Variants in CACNG3 observed in about 807,000 individuals in gnomAD.
CACNG3 encodes the protein voltage-dependent calcium channel gamma-3 subunit.
CACNG3 carries 3 observed loss-of-function variants against 28.5 expected under a neutral mutation model. That is an observed-to-expected ratio of 0.11 (90% CI 0.05 to 0.27). The LOEUF (loss-of-function observed/expected upper bound fraction) is 0.27, where lower values mean the gene tolerates loss of function less well. CACNG3 is among the 10% of genes least tolerant of loss of function. The pLI, the probability that CACNG3 is intolerant of heterozygous loss-of-function variation, is 1.00. For synonymous variants in CACNG3, 174 were observed against 162.2 expected (o/e 1.07, Z -0.55); for missense variants, 236 against 414.4 (o/e 0.57, Z 3.74).
At chr16:24,301,375 C>A (rs1403429470) in intron 1 of CACNG3, among the ~76,000 whole-genome samples, 2 of 152,064 alleles carry the variant, frequency 1.3e-5, no homozygotes, top group African/African-American at 4.8e-5. Context: ...TTCCAGACAA[C>A]TTGGAATCTA....
intron 1 of CACNG3, among the ~76,000 whole-genome samples, chr16:24,294,376 A>G (rs1899003029): frequency 6.6e-6 from 1 of 152,160 alleles, no homozygotes; most frequent in Non-Finnish European, 1.5e-5. Flanking sequence ...GCCGCTGTTC[A>G]TTAATGCTGC....
chr16:24,308,105 C>T (rs1299600155), intron 1 of CACNG3, among the ~76,000 whole-genome samples: 1 of 152,170 alleles, frequency 6.6e-6, no homozygotes, highest in African/African-American at 2.4e-5. Flanking sequence ...CACTTAATTG[C>T]ATCCAAAACT....
intron 1 of CACNG3, among the ~76,000 whole-genome samples, chr16:24,268,428 T>C (rs1029614255): frequency 6.6e-6 from 1 of 152,172 alleles, no homozygotes; most frequent in African/African-American, 2.4e-5. Context: ...GGGTTGGGTC[T>C]CCTCCAACCT....
intron 1 of CACNG3, among the ~76,000 whole-genome samples, chr16:24,339,180 G>A (rs1289000421): frequency 1.3e-5 from 2 of 152,102 alleles, no homozygotes; most frequent in Admixed American, 1.3e-4. Flanking sequence ...TGAATAAAGG[G>A]TAATGGACTG....
At chr16:24,339,362 G>A (rs548373100) in intron 1 of CACNG3, among the ~76,000 whole-genome samples, 4 of 150,798 alleles carry the variant, frequency 2.7e-5, no homozygotes, top group Non-Finnish European at 5.9e-5. Flanking sequence ...TGTTTTCTCA[G>A]CTAATTGCCT....
At chr16:24,329,201 G>T (rs1899601059) in intron 1 of CACNG3, among the ~76,000 whole-genome samples, 1 of 152,184 alleles carries the variant, frequency 6.6e-6, no homozygotes, top group Non-Finnish European at 1.5e-5. Context: ...CAAAACGCCA[G>T]AACTATTCCT....
intron 1 of CACNG3, among the ~76,000 whole-genome samples, chr16:24,343,125 G>C (rs904497503): frequency 6.6e-6 from 1 of 152,108 alleles, no homozygotes; most frequent in African/African-American, 2.4e-5. Flanking sequence ...GGAGGCGGAG[G>C]TTGCAGTGGG....
intron 1 of CACNG3, among the ~76,000 whole-genome samples, chr16:24,301,821 A>G (rs983174320): frequency 1.3e-5 from 2 of 152,200 alleles, no homozygotes; most frequent in Non-Finnish European, 2.9e-5. Flanking sequence ...AAAAGAGTGG[A>G]GACATTAAAG....
chr16:24,335,953 G>T (rs1037881281), intron 1 of CACNG3, among the ~76,000 whole-genome samples: 3 of 151,828 alleles, frequency 2.0e-5, no homozygotes, highest in African/African-American at 7.3e-5. Flanking sequence ...AAATCCGCCT[G>T]CCTCGGCCTC....
In CACNG3 at chr16:24,361,663, A is replaced by G; in HGVS notation, c.748A>G (p.Ile250Val). The change falls in exon 4 of 4, where the codon ATC becomes GTC. Residue 250 changes from isoleucine (I) to valine (V), a missense_variant. Around this residue, in one of 2 missense-constraint regions of CACNG3, gnomAD observed 116 missense variants for 151.0 expected, o/e 0.77. Transcript: ENST00000005284. The surrounding 1 kb of genome is among the most constrained non-coding windows in gnomAD (Gnocchi z 6.8). ...TEPRSRDLSPISKGFHTIPST... is the reference protein window; with the variant it reads ...TEPRSRDLSPVSKGFHTIPST... ...GCCCAGATCCCGAGACCTGTCCCCC[A>G]TCAGCAAAGGCTTCCACACCATCCC... The G allele has an allele frequency of 6.2e-7, 1 of 1,611,810 alleles. No individual in the cohort carries two copies. The highest frequency in any genetic ancestry group is 8.5e-7 in the Non-Finnish European group (1 of 1,179,292).
intron 1 of CACNG3, among the ~76,000 whole-genome samples, chr16:24,272,573 T>C (rs1898704801): frequency 6.6e-6 from 1 of 152,192 alleles, no homozygotes; most frequent in African/African-American, 2.4e-5. Flanking sequence ...TTTTTCAACT[T>C]GCCATTTATT....
intron 1 of CACNG3, among the ~76,000 whole-genome samples, chr16:24,262,613 T>G (rs1411751237): frequency 2.0e-5 from 3 of 152,228 alleles, no homozygotes; most frequent in Non-Finnish European, 4.4e-5. Flanking sequence ...ATCGTGACCT[T>G]GCTCTGGCCC....
Position 24,361,708 on chromosome 16 carries a change from T to A in CACNG3, c.793T>A (p.Phe265Ile). 1.9e-6 allele frequency: 3 copies of A among 1,613,390 alleles called. No homozygotes were observed. In the South Asian group the frequency reaches 3.3e-5, roughly 18 times the overall value. Reference protein sequence around the residue: ...HTIPSTDISMFTLSRDPSKIT... With the variant: ...HTIPSTDISMITLSRDPSKIT... ...CATCCCTTCCACTGACATCTCGATG[T>A]TCACCCTCTCCCGGGACCCCTCAAA... The change falls in exon 4 of 4, where the codon TTC becomes ATC. Residue 265 changes from phenylalanine to isoleucine, a missense_variant. Around this residue, in one of 2 missense-constraint regions of CACNG3, gnomAD observed 116 missense variants for 151.0 expected, o/e 0.77. Coordinates refer to ENST00000005284, the MANE Select transcript of CACNG3 (RefSeq NM_006539.4). This position sits in a 1 kb window ranked among gnomAD's most constrained non-coding sequence, Gnocchi z 6.8.
At chr16:24,323,822 C>T (rs1293375353) in intron 1 of CACNG3, among the ~76,000 whole-genome samples, 1 of 152,186 alleles carries the variant, frequency 6.6e-6, no homozygotes, top group Admixed American at 6.5e-5. Context: ...GGATGGAGGG[C>T]AGTGGAGTGA....
rs543596295 is a variant in CACNG3, at chr16:24,361,168, C to A, written c.437-184C>A. Among the ~76,000 whole-genome samples the A allele has an allele frequency of 1.3e-5, 2 of 152,268 alleles. No individual in the cohort carries two copies. The highest frequency in any genetic ancestry group is 2.4e-5 in the African/African-American group (1 of 41,552). The stretch of plus-strand genomic sequence containing the variant: ...ATACACATTGCCTGGAACTGAGCAG[C>A]AGAATTCTTCATTTCCTAAGTGACA... On this transcript the variant is annotated intron_variant, in intron 3 of 3. Transcript: ENST00000005284. This position sits in a 1 kb window ranked among gnomAD's most constrained non-coding sequence, Gnocchi z 6.8.
intron 1 of CACNG3, among the ~76,000 whole-genome samples, chr16:24,319,133 G>A (rs777858145): frequency 2.6e-5 from 4 of 152,178 alleles, no homozygotes; most frequent in Non-Finnish European, 5.9e-5. Flanking sequence ...AAGAAACCGG[G>A]TTGATTTAAA....
chr16:24,269,640 G>T (rs550242355), intron 1 of CACNG3, among the ~76,000 whole-genome samples: 1 of 151,456 alleles, frequency 6.6e-6, no homozygotes, highest in Admixed American at 6.6e-5. Context: ...CCAGCTACTC[G>T]GGAGGCTGAG....
At chr16:24,350,172 T>G (rs754694569) in intron 2 of CACNG3, among the ~76,000 whole-genome samples, 2 of 152,228 alleles carry the variant, frequency 1.3e-5, no homozygotes, top group Non-Finnish European at 2.9e-5. Flanking sequence ...CAGACACTTA[T>G]AGCCAGAGTT....
chr16:24,282,510 C>G (rs1266360897), intron 1 of CACNG3, among the ~76,000 whole-genome samples: 1 of 151,690 alleles, frequency 6.6e-6, no homozygotes, highest in Non-Finnish European at 1.5e-5. Context: ...CTGTTGACCT[C>G]GTGATCCGCC....
Sources: allele counts gnomAD v4.1 joint callset (sites outside exome capture counted in the v4.1 genomes callset), GRCh38; gene constraint gnomAD v4.1.1; regional missense constraint gnomAD v4.1.1; non-coding constraint Gnocchi (gnomAD v3.1); transcripts MANE v1.5; gene names NCBI Gene and HGNC (gene_info 2026-07-23, HGNC 2026-07-21).